The following CYSLTR2 variants were observed in gnomAD, a reference collection of about 807,000 sequenced individuals.
The protein encoded by CYSLTR2 is G-protein coupled receptor GPCR21.
For missense variants in CYSLTR2, 398 were observed against 411.9 expected (o/e 0.97, Z 0.29); for synonymous variants, 179 against 160.8 (o/e 1.11, Z -0.86).
chr13:48,704,620 T>G (rs1248084150), intron 4 of CYSLTR2, among the ~76,000 whole-genome samples: 1 of 152,180 alleles, frequency 6.6e-6, no homozygotes, highest in African/African-American at 2.4e-5. Flanking sequence ...ATACTGCATT[T>G]GCTACATCTC....
chr13:48,657,959 TTAAG>T (rs1365898035), intron 1 of CYSLTR2, among the ~76,000 whole-genome samples: 4 of 152,124 alleles, frequency 2.6e-5, no homozygotes, highest in Admixed American at 1.3e-4. Flanking sequence ...CCAGATTCTT[TTAAG>T]TAAGCTGGTT....
Position 48,691,197 on chromosome 13 carries a change from T to C in CYSLTR2, c.-265-15T>C, listed in dbSNP as rs550433799. 32 of 152,238 alleles carry C rather than the reference T, an allele frequency of 2.1e-4. No homozygotes were observed. Among genetic ancestry groups the C allele is most frequent in the Non-Finnish European group, 7.4e-5 (5 of 67,962 alleles). 9.4% of individuals were successfully genotyped at this position (152,238 alleles called of 1,614,324 possible). Reference sequence around the variant, plus strand: ...AGGCAAATTTTACTTTTTGTTCGTTTGTTTGTTTTTTCAGTCTGAACCAAC... The same window carrying C: ...AGGCAAATTTTACTTTTTGTTCGTTCGTTTGTTTTTTCAGTCTGAACCAAC... On this transcript the variant is annotated splice_polypyrimidine_tract_variant and intron_variant, in intron 1 of 4. Transcript: ENST00000682523.
In CYSLTR2 at chr13:48,707,941, T is replaced by A. The variant is rs200985299; in HGVS notation, c.*83T>A. 92 of 1,144,668 alleles carry A rather than the reference T, an allele frequency of 8.0e-5. No individual in the cohort carries two copies. The highest frequency in any genetic ancestry group is 2.5e-4 in the Middle Eastern group (1 of 4,072). The allele number at this position is 1,144,668 out of a possible 1,614,324, so 70.9% of individuals were successfully genotyped here. On this transcript the variant is annotated 3_prime_UTR_variant, in exon 5 of 5. Coordinates refer to ENST00000682523, the MANE Select transcript of CYSLTR2 (RefSeq NM_001308476.3). ...GTCTCCAAATGACTTTGTATTTACA[T>A]CACTCCCAACAAATGTTGATTCTTA... is the stretch of plus-strand genomic sequence containing the variant.
intron 1 of CYSLTR2, among the ~76,000 whole-genome samples, chr13:48,687,756 A>T (rs775844817): frequency 2.6e-5 from 4 of 152,172 alleles, no homozygotes; most frequent in Non-Finnish European, 5.9e-5. Context: ...GAGGGGTGGT[A>T]GTTTTAAACA....
At chr13:48,663,517 A>C (rs1461925524) in intron 1 of CYSLTR2, among the ~76,000 whole-genome samples, 1 of 151,898 alleles carries the variant, frequency 6.6e-6, no homozygotes, top group African/African-American at 2.4e-5. Context: ...TTATTTCATC[A>C]GTGTCTTGTA....
At chr13:48,681,355 G>T (rs572292450) in intron 1 of CYSLTR2, among the ~76,000 whole-genome samples, 3 of 152,132 alleles carry the variant, frequency 2.0e-5, no homozygotes, top group African/African-American at 7.2e-5. Flanking sequence ...GGCGTTCTTG[G>T]TCTGAGTCTC....
At chr13:48,688,675 G>T (rs4942773) in intron 1 of CYSLTR2, among the ~76,000 whole-genome samples, 24,785 of 152,092 alleles carry the variant, frequency 0.16, 2,158 homozygotes, top group Middle Eastern at 0.29. Context: ...CATTTGGGTT[G>T]GTTCCAAGTC....
chr13:48,702,504 T>C (rs1057283702), intron 4 of CYSLTR2, among the ~76,000 whole-genome samples: 3 of 152,208 alleles, frequency 2.0e-5, no homozygotes, highest in Admixed American at 6.5e-5. Context: ...AAGGTTTGTT[T>C]TTTTGCCTAT....
At chr13:48,691,750 A>T (rs1236068263) in intron 2 of CYSLTR2, among the ~76,000 whole-genome samples, 1 of 152,128 alleles carries the variant, frequency 6.6e-6, no homozygotes, top group Non-Finnish European at 1.5e-5. Flanking sequence ...TTATTACAGT[A>T]ATCTTTGTGC....
intron 1 of CYSLTR2, among the ~76,000 whole-genome samples, chr13:48,656,819 A>G (rs998056434): frequency 3.3e-5 from 5 of 152,238 alleles, no homozygotes; most frequent in African/African-American, 4.8e-5. Flanking sequence ...GGATTGTGCA[A>G]TTACCCAATG....
chr13:48,671,100 A>T (rs1169468282), intron 1 of CYSLTR2, among the ~76,000 whole-genome samples: 4 of 152,178 alleles, frequency 2.6e-5, no homozygotes, highest in African/African-American at 9.7e-5. Flanking sequence ...TGGGTGTAGG[A>T]ATGCTTGTGA....
intron 1 of CYSLTR2, among the ~76,000 whole-genome samples, chr13:48,667,942 G>A (rs1008163826): frequency 1.3e-5 from 2 of 152,210 alleles, no homozygotes; most frequent in Admixed American, 1.3e-4. Flanking sequence ...GAAGCCTAAT[G>A]TGGCTGCAAA....
At chr13:48,668,515 C>G (rs1354117916) in intron 1 of CYSLTR2, among the ~76,000 whole-genome samples, 2 of 152,054 alleles carry the variant, frequency 1.3e-5, no homozygotes, top group Non-Finnish European at 2.9e-5. Context: ...TTCAAAGTGT[C>G]TTTACATGCA....
At chr13:48,667,173 A>G (rs1953285416) in intron 1 of CYSLTR2, among the ~76,000 whole-genome samples, 1 of 152,190 alleles carries the variant, frequency 6.6e-6, no homozygotes, top group Non-Finnish European at 1.5e-5. Context: ...TGTAATCCAC[A>G]TTAGTGGCAT....
At chr13:48,669,775 TC>T (rs1170711863) in intron 1 of CYSLTR2, among the ~76,000 whole-genome samples, 1 of 152,230 alleles carries the variant, frequency 6.6e-6, no homozygotes, top group African/African-American at 2.4e-5. Flanking sequence ...TGATTTATAA[TC>T]CTTTGGGTAT....
intron 1 of CYSLTR2, among the ~76,000 whole-genome samples, chr13:48,683,387 A>G (rs530360480): frequency 4.6e-5 from 7 of 152,196 alleles, no homozygotes; most frequent in African/African-American, 7.2e-5. Context: ...CCTTGCCAGC[A>G]TCTGTTTTTC....
At chr13:48,698,559 G>A (rs992286781) in intron 4 of CYSLTR2, among the ~76,000 whole-genome samples, 3 of 152,164 alleles carry the variant, frequency 2.0e-5, no homozygotes, top group Non-Finnish European at 4.4e-5. Context: ...TCCAGCCACT[G>A]CAAAAACATG....
chr13:48,703,554 TAA>T (rs1954404726), intron 4 of CYSLTR2, among the ~76,000 whole-genome samples: 1 of 152,224 alleles, frequency 6.6e-6, no homozygotes, highest in East Asian at 1.9e-4. Context: ...CATGCACTTT[TAA>T]AAATATTAAT....
At chr13:48,661,373 T>C (rs1334875079) in intron 1 of CYSLTR2, among the ~76,000 whole-genome samples, 2 of 152,214 alleles carry the variant, frequency 1.3e-5, no homozygotes, top group Admixed American at 6.5e-5. Context: ...GCTCTGTTAC[T>C]GCTTCCCTGC....
Sources: allele counts gnomAD v4.1 joint callset (sites outside exome capture counted in the v4.1 genomes callset), GRCh38; gene constraint gnomAD v4.1.1; transcripts MANE v1.5; gene names NCBI Gene and HGNC (gene_info 2026-07-23, HGNC 2026-07-21).